PNKD: variants seen among roughly 807,000 people sequenced by gnomAD.
The protein encoded by PNKD is PNKD metallo-beta-lactamase domain containing, also known as probable thioesterase PNKD.
A neutral mutation model predicts 45.3 loss-of-function variants in PNKD; 36 were observed. The ratio of observed to expected loss-of-function variants is 0.80; its 90% CI spans 0.61 to 1.05. The LOEUF is 1.05. Among genes scored for constraint, PNKD ranks in the 50% least tolerant of loss-of-function variants. PNKD has a pLI of 0.00. For missense variants in PNKD, 511 were observed against 506.6 expected (o/e 1.01, Z -0.08); for synonymous variants, 197 against 210.1 (o/e 0.94, Z 0.54).
In PNKD at chr2:218,342,055, A is replaced by G. The variant is rs1694693946; in HGVS notation, c.692A>G (p.Gln231Arg). 1 of 1,612,452 alleles carries G rather than the reference A, an allele frequency of 6.2e-7. No individual in the cohort carries two copies. The highest frequency in any genetic ancestry group is 8.5e-7 in the Non-Finnish European group (1 of 1,178,594). The change falls in exon 7 of 10, where the codon CAA becomes CGA. Residue 231 changes from glutamine to arginine, a missense_variant. Coordinates refer to ENST00000273077, the MANE Select transcript of PNKD (RefSeq NM_015488.5). The stretch of plus-strand genomic sequence containing the variant: ...GCCCTGGCTACACCTGGCCACACAC[A>G]AGGCCATCTGGTCTACCTACTGGAT... ...IRALATPGHTQGHLVYLLDGE... is the reference protein window; with the variant it reads ...IRALATPGHTRGHLVYLLDGE...
At chr2:218,323,162 GC>G in intron 2 of PNKD, 2 of 1,350,936 alleles carry the variant, frequency 1.5e-6, no homozygotes, top group Admixed American at 3.9e-5. Flanking sequence ...GGGCCACAAC[GC>G]CCCCACGTCC....
chr2:218,302,537 C>A (rs1693297590), intron 2 of PNKD, among the ~76,000 whole-genome samples: 1 of 152,124 alleles, frequency 6.6e-6, no homozygotes, highest in Admixed American at 6.6e-5. Flanking sequence ...TTGGCATGTT[C>A]CAGAAACTTC....
At chr2:218,270,730 T>G (rs1326470774) in intron 1 of PNKD, 128 bp downstream of exon 1, 1 of 423,118 alleles carries the variant, frequency 2.4e-6, no homozygotes, top group Non-Finnish European at 4.3e-6. Context: ...TCTTAGAGTC[T>G]GGGGGTGCAG....
intron 2 of PNKD, chr2:218,276,974 C>G: frequency 6.3e-7 from 1 of 1,595,612 alleles, no homozygotes; most frequent in South Asian, 1.1e-5. Context: ...GCACTGGGTT[C>G]CCTGACCCCA....
intron 2 of PNKD, among the ~76,000 whole-genome samples, chr2:218,282,492 G>A (rs1559506544): frequency 6.6e-6 from 1 of 152,246 alleles, no homozygotes; most frequent in Non-Finnish European, 1.5e-5. Context: ...CCCTGTTGTG[G>A]TTTAAGAAAA....
At chr2:218,312,206 C>T (rs1261827444) in intron 2 of PNKD, among the ~76,000 whole-genome samples, 1 of 152,208 alleles carries the variant, frequency 6.6e-6, no homozygotes, top group Non-Finnish European at 1.5e-5. Context: ...CAGTAACAAT[C>T]TGATCTCTCT....
intron 2 of PNKD, among the ~76,000 whole-genome samples, chr2:218,305,718 C>T (rs12104579): frequency 6.6e-6 from 1 of 152,116 alleles, no homozygotes; most frequent in South Asian, 2.1e-4. Flanking sequence ...CCCTTCCGCC[C>T]CCACCATAGC....
intron 2 of PNKD, chr2:218,278,306 C>T: frequency 3.2e-6 from 2 of 621,858 alleles, no homozygotes; most frequent in South Asian, 4.0e-5. Flanking sequence ...ACCTGTCTTG[C>T]AGGGTTACTA....
At chr2:218,295,357 G>A (rs1250894084) in intron 2 of PNKD, among the ~76,000 whole-genome samples, 1 of 152,178 alleles carries the variant, frequency 6.6e-6, no homozygotes, top group East Asian at 1.9e-4. Flanking sequence ...CCAGTAAAAT[G>A]ACAGATTATT....
At chr2:218,297,994 T>G (rs549008332) in intron 2 of PNKD, among the ~76,000 whole-genome samples, 488 of 93,504 alleles carry the variant, frequency 5.2e-3, no homozygotes, top group African/African-American at 0.021. Flanking sequence ...GGAGACTCCA[T>G]CTCAAAAAAA....
intron 2 of PNKD, chr2:218,282,157 G>A (rs931486742): frequency 6.8e-7 from 1 of 1,468,274 alleles, no homozygotes; most frequent in Non-Finnish European, 9.0e-7. Context: ...CTCACGGGCT[G>A]AGGGGGAACC....
rs1044705909 is a variant in PNKD at position 218,313,908 on chromosome 2, T to C, written c.237-25875T>C. Among the ~76,000 whole-genome samples, 19 of 144,678 alleles carry C rather than the reference T, an allele frequency of 1.3e-4. No homozygotes were observed. In the East Asian group the frequency reaches 3.2e-3, roughly 24 times the overall value. The allele number at this position is 144,678 out of a possible 152,430, so 94.9% of individuals were successfully genotyped here. On this transcript the variant is annotated intron_variant, in intron 2 of 9. Coordinates refer to ENST00000273077, the MANE Select transcript of PNKD (RefSeq NM_015488.5). ...TAACTGCATTTTCTTTATTTCTTTT[T>C]TTTTTTTTTTTTTTTTGAGACGGAG...
At chr2:218,272,869 G>A (rs1690906303) in intron 2 of PNKD, 1 of 1,599,438 alleles carries the variant, frequency 6.3e-7, no homozygotes, top group Admixed American at 1.7e-5. Flanking sequence ...AGCCCAGGCT[G>A]TTGCCAAACC....
intron 2 of PNKD, among the ~76,000 whole-genome samples, chr2:218,299,809 T>G (rs1373266902): frequency 6.6e-6 from 1 of 151,430 alleles, no homozygotes; most frequent in African/African-American, 2.4e-5. Context: ...TTAGTAGAGA[T>G]GGGGTTTCTC....
intron 2 of PNKD, among the ~76,000 whole-genome samples, chr2:218,336,621 C>G (rs1441402816): frequency 6.6e-6 from 1 of 151,836 alleles, no homozygotes; most frequent in African/African-American, 2.4e-5. Context: ...GCTGGGACCA[C>G]AAGTGCATGC....
At chr2:218,277,120 G>A (rs1691296792) in intron 2 of PNKD, 1 of 1,608,222 alleles carries the variant, frequency 6.2e-7, no homozygotes, top group East Asian at 2.2e-5. Context: ...GCAAGAAAGA[G>A]GCACCTGTCA....
At chr2:218,307,758 G>A (rs892085171) in intron 2 of PNKD, among the ~76,000 whole-genome samples, 3 of 152,182 alleles carry the variant, frequency 2.0e-5, no homozygotes, top group Non-Finnish European at 4.4e-5. Flanking sequence ...GTGGTAGCCT[G>A]TAAGTGGTGA....
rs966485543 is a variant in PNKD, at chr2:218,326,419, G to A, written c.237-13364G>A. 2.0e-5 allele frequency among the ~76,000 whole-genome samples: 3 copies of A among 152,120 alleles called. No homozygotes were observed. Among genetic ancestry groups the A allele is most frequent in the African/African-American group, 7.2e-5 (3 of 41,412 alleles). Reference sequence around the variant, plus strand: ...ATTGTAGCAAAGCACACAGCATGTGGGGTCGAACAAATCTGCTTTTGCATC... The same window carrying A: ...ATTGTAGCAAAGCACACAGCATGTGAGGTCGAACAAATCTGCTTTTGCATC... On this transcript the variant is annotated intron_variant, in intron 2 of 9. Transcript: ENST00000273077. The surrounding 1 kb of genome is among the most constrained non-coding windows in gnomAD (Gnocchi z 4.1).
At chr2:218,286,442 T>C (rs576916919) in intron 2 of PNKD, 197 of 152,208 alleles carry the variant, frequency 1.3e-3, no homozygotes, top group African/African-American at 4.4e-3. Context: ...TATCAAGGCA[T>C]TCAGACTGTG....
Sources: gnomAD v4.1 joint callset for allele counts (sites outside exome capture counted in the v4.1 genomes callset) on GRCh38, gnomAD v4.1.1 for gene constraint, Gnocchi (gnomAD v3.1) non-coding constraint, MANE v1.5 for transcripts, NCBI Gene and HGNC (gene_info 2026-07-23, HGNC 2026-07-21) for gene names.